CDK11B: variants seen among roughly 807,000 people sequenced by gnomAD.
The protein encoded by CDK11B is cyclin-dependent kinase 11B.
In CDK11B, 37 loss-of-function variants were observed where a neutral mutation model predicts 84.0. The ratio of observed to expected loss-of-function variants is 0.44; its 90% CI spans 0.34 to 0.58. CDK11B has a LOEUF of 0.58. CDK11B is among the 20% of genes least tolerant of loss of function. The pLI, the probability that CDK11B is intolerant of heterozygous loss-of-function variation, is 0.02. For missense variants in CDK11B, 427 were observed against 834.0 expected (o/e 0.51, Z 6.01); for synonymous variants, 269 against 309.8 (o/e 0.87, Z 1.38).
intron 1 of CDK11B, among the ~76,000 whole-genome samples, chr1:1,657,828 C>CA: frequency 8.7e-6 from 1 of 115,466 alleles, no homozygotes; most frequent in Non-Finnish European, 1.7e-5. Context: ...TCACTTGAAT[C>CA]AGAGAGGTCA....
chr1:1,641,243 T>G lies in CDK11B; in HGVS notation c.1010-130A>C, dbSNP rs1257958051. On this transcript the variant is annotated intron_variant, in intron 9 of 19. Coordinates refer to ENST00000341832, the MANE Select transcript of CDK11B (RefSeq NM_033486.3). ...GGATATGCAGGCCGGGCGCGGTGGC[T>G]CACGCCTGTAATCCCAGCGCTTTGG... 9.5e-6 allele frequency: 14 copies of G among 1,470,528 alleles called. 2 individuals carry two copies. The highest frequency in any genetic ancestry group is 2.8e-6 in the Non-Finnish European group (3 of 1,079,020). 91.1% of individuals were successfully genotyped at this position (1,470,528 alleles called of 1,614,324 possible).
intron 4 of CDK11B, among the ~76,000 whole-genome samples, chr1:1,650,669 T>C (rs1483492295): frequency 1.5e-5 from 1 of 66,128 alleles, no homozygotes; most frequent in Non-Finnish European, 2.9e-5. Flanking sequence ...CCGGCCTTTT[T>C]TTTTTTTTTT....
At chr1:1,647,689 C>T (rs1641352681) in intron 5 of CDK11B, among the ~76,000 whole-genome samples, 2 of 152,256 alleles carry the variant, frequency 1.3e-5, no homozygotes, top group East Asian at 3.8e-4. Flanking sequence ...TGGGTGGCGG[C>T]TCGAGCTCTC....
intron 1 of CDK11B, among the ~76,000 whole-genome samples, chr1:1,657,901 T>A (rs1324352505): frequency 9.3e-6 from 1 of 107,654 alleles, no homozygotes; most frequent in Non-Finnish European, 1.8e-5. Flanking sequence ...TAAGACTTGG[T>A]TAAAAAAAAA....
intron 10 of CDK11B, 44 bp downstream of exon 10, chr1:1,641,004 G>A (rs368055178): frequency 1.2e-5 from 19 of 1,589,454 alleles, no homozygotes; most frequent in Admixed American, 3.5e-5. Flanking sequence ...TGCTGCACTC[G>A]GAGACAGACA....
chr1:1,653,053 TC>T (rs1335471559), intron 3 of CDK11B, among the ~76,000 whole-genome samples: 2 of 151,258 alleles, frequency 1.3e-5, no homozygotes, highest in African/African-American at 4.9e-5. Flanking sequence ...GGAGTCTCGC[TC>T]TGTTGCCCAG....
intron 5 of CDK11B, among the ~76,000 whole-genome samples, chr1:1,647,167 T>A (rs1446838706): frequency 6.6e-6 from 1 of 152,330 alleles, no homozygotes; most frequent in African/African-American, 2.4e-5. Flanking sequence ...TTTCTCTCTG[T>A]TCTTCAGAAT....
chr1:1,656,358 G>A (rs1642744886), intron 2 of CDK11B, among the ~76,000 whole-genome samples: 1 of 152,130 alleles, frequency 6.6e-6, no homozygotes, highest in South Asian at 2.1e-4. Context: ...GAGCGTGCTG[G>A]CAGGTGCCTG....
At chr1:1,658,559 G>A (rs1643103590) in intron 1 of CDK11B, among the ~76,000 whole-genome samples, 1 of 143,986 alleles carries the variant, frequency 6.9e-6, no homozygotes, top group African/African-American at 2.6e-5. Context: ...CTGCTAGAAA[G>A]ACCGCTTGGA....
intron 13 of CDK11B, 65 bp from the exon 14 acceptor site, chr1:1,637,578 G>A: frequency 2.5e-6 from 4 of 1,607,388 alleles, no homozygotes; most frequent in East Asian, 4.5e-5. Context: ...GCACCCGGGT[G>A]CAGCTGCTGA....
At chr1:1,640,735 G>A (rs1640157458) in intron 10 of CDK11B, among the ~76,000 whole-genome samples, 1 of 152,244 alleles carries the variant, frequency 6.6e-6, no homozygotes, top group African/African-American at 2.4e-5. Flanking sequence ...CTCACTGCCT[G>A]TCGGAGGCTG....
At chr1:1,657,941 G>A (rs1642987005) in intron 1 of CDK11B, among the ~76,000 whole-genome samples, 1 of 148,826 alleles carries the variant, frequency 6.7e-6, no homozygotes, top group African/African-American at 2.5e-5. Flanking sequence ...GCTCTAGGCT[G>A]AGGCGGGTGG....
chr1:1,639,976 C>T (rs919766008), intron 11 of CDK11B, among the ~76,000 whole-genome samples: 8 of 151,588 alleles, frequency 5.3e-5, no homozygotes, highest in Non-Finnish European at 1.0e-4. Flanking sequence ...CTCTCCAGTG[C>T]GGAGGAGGAC....
Position 1,636,966 on chromosome 1 carries a change from A to C in CDK11B, c.1731T>G (p.Pro577=). The C allele has an allele frequency of 6.2e-7, 1 of 1,610,684 alleles. No homozygotes were observed. Among genetic ancestry groups the C allele is most frequent in the Non-Finnish European group, 8.5e-7 (1 of 1,178,160 alleles). Residue 577 remains proline, a synonymous_variant, in exon 16 of 20, where the codon CCT becomes CCG. Transcript: ENST00000341832. ...DFGLAREYGS[P]LKAYTPVVVT... ...CCACGACCGGGGTGTAGGCCTTCAGAGGGGATCCGTACTCCCGCGCCAGCC... is the reference window on the plus strand; with the variant it reads ...CCACGACCGGGGTGTAGGCCTTCAGCGGGGATCCGTACTCCCGCGCCAGCC...
At chr1:1,646,504 A>C (rs1408855545) in intron 5 of CDK11B, 1 of 519,740 alleles carries the variant, frequency 1.9e-6, no homozygotes, top group African/African-American at 1.9e-5. Context: ...ATACCATGAC[A>C]ACAGTGTAAT....
At chr1:1,649,294 G>C (rs1641587789) in intron 5 of CDK11B, among the ~76,000 whole-genome samples, 1 of 151,838 alleles carries the variant, frequency 6.6e-6, no homozygotes, top group African/African-American at 2.4e-5. Context: ...GTAGAGACGG[G>C]GTTTCACCAT....
chr1:1,647,691 C>T (rs1390468359), intron 5 of CDK11B, among the ~76,000 whole-genome samples: 20 of 152,242 alleles, frequency 1.3e-4, no homozygotes, highest in African/African-American at 4.6e-4. Context: ...GGTGGCGGCT[C>T]GAGCTCTCTC....
In CDK11B at chr1:1,637,079, A is replaced by C; in HGVS notation, c.1692+2T>G. 6.2e-7 allele frequency: 1 copy of C among 1,613,520 alleles called. No individual in the cohort carries two copies. Among genetic ancestry groups the C allele is most frequent in the Non-Finnish European group, 8.5e-7 (1 of 1,179,836 alleles). On this transcript the variant is annotated splice_donor_variant, in intron 15 of 19. Coordinates refer to ENST00000341832, the MANE Select transcript of CDK11B (RefSeq NM_033486.3). LOFTEE classifies it high-confidence loss of function. Reference sequence around the variant, plus strand: ...GGATGGGCCACTCGGAGGGGGGCTCACCTTGAGGATGCCGGCGTGGCTCAG... The same window carrying C: ...GGATGGGCCACTCGGAGGGGGGCTCCCCTTGAGGATGCCGGCGTGGCTCAG...
intron 3 of CDK11B, 125 bp downstream of exon 3, chr1:1,655,244 T>G: frequency 1.6e-6 from 2 of 1,217,108 alleles, no homozygotes; most frequent in Non-Finnish European, 2.2e-6. Context: ...TATGTCACAG[T>G]AACTCTAGGA....
Sources: gnomAD v4.1 joint callset for allele counts (sites outside exome capture counted in the v4.1 genomes callset) on GRCh38, gnomAD v4.1.1 for gene constraint, MANE v1.5 for transcripts, NCBI Gene and HGNC (gene_info 2026-07-23, HGNC 2026-07-21) for gene names.